The following CDYL2 variants were observed in gnomAD, a reference collection of about 807,000 sequenced individuals.
The protein encoded by CDYL2 is chromodomain Y like 2.
In CDYL2, 23 loss-of-function variants were observed where a neutral mutation model predicts 49.4. That is an observed-to-expected ratio of 0.47 (90% confidence interval 0.34 to 0.66). CDYL2 has a LOEUF of 0.66. CDYL2 is among the 30% of genes least tolerant of loss of function. The pLI, the probability that CDYL2 is intolerant of heterozygous loss-of-function variation, is 0.01. For missense variants in CDYL2, 678 were observed against 656.4 expected (o/e 1.03, Z -0.36); for synonymous variants, 360 against 268.8 (o/e 1.34, Z -3.32).
At chr16:80,689,555 G>C (rs1597176114) in intron 1 of CDYL2, among the ~76,000 whole-genome samples, 1 of 152,162 alleles carries the variant, frequency 6.6e-6, no homozygotes, top group South Asian at 2.1e-4. Flanking sequence ...GCAACAGCCT[G>C]AGTTCCTAGC....
chr16:80,712,140 T>G (rs1904629088), intron 1 of CDYL2, among the ~76,000 whole-genome samples: 1 of 146,842 alleles, frequency 6.8e-6, no homozygotes, highest in Non-Finnish European at 1.5e-5. Flanking sequence ...TGTGTGTACA[T>G]ATATGTGTAT....
At chr16:80,716,110 G>T (rs1904789840) in intron 1 of CDYL2, among the ~76,000 whole-genome samples, 1 of 152,192 alleles carries the variant, frequency 6.6e-6, no homozygotes, top group African/African-American at 2.4e-5. Context: ...AAAAATAATT[G>T]TAACAAGGCC....
intron 1 of CDYL2, among the ~76,000 whole-genome samples, chr16:80,774,046 GA>G (rs778274278): frequency 2.0e-4 from 30 of 152,066 alleles, no homozygotes; most frequent in Admixed American, 3.3e-4. Flanking sequence ...ACTTGATAAT[GA>G]AACAGGTATT....
At chr16:80,654,210 G>A (rs1490019086) in intron 2 of CDYL2, among the ~76,000 whole-genome samples, 2 of 152,164 alleles carry the variant, frequency 1.3e-5, no homozygotes, top group South Asian at 2.1e-4. Flanking sequence ...TCACTACAGA[G>A]ACTGAGACTC....
intron 1 of CDYL2, among the ~76,000 whole-genome samples, chr16:80,708,301 C>A (rs962889027): frequency 6.6e-6 from 1 of 152,140 alleles, no homozygotes; most frequent in Non-Finnish European, 1.5e-5. Flanking sequence ...TTTTCCCATA[C>A]TCTTCTTGTG....
At chr16:80,776,202 T>C (rs1297233735) in intron 1 of CDYL2, among the ~76,000 whole-genome samples, 1 of 152,070 alleles carries the variant, frequency 6.6e-6, no homozygotes, top group Non-Finnish European at 1.5e-5. Flanking sequence ...ACTTCTGCAG[T>C]TTCTCTGTCA....
At position 80,794,562 on chromosome 16, in the gene CDYL2, C is replaced by T. The variant is rs144039870; in HGVS notation, c.24+9588G>A. On this transcript the variant is annotated intron_variant, in intron 1 of 6. Transcript: ENST00000570137. The stretch of plus-strand genomic sequence containing the variant: ...AAAATATGGTATATTAAACCATATA[C>T]GATTGTTGAGTTTTTTAATTATTAC... Among the ~76,000 whole-genome samples, 1,227 of 143,430 alleles carry T rather than the reference C, an allele frequency of 8.6e-3. 23 individuals carry two copies. The highest frequency in any genetic ancestry group is 0.03 in the African/African-American group (1,156 of 38,766). 94.1% of individuals were successfully genotyped at this position (143,430 alleles called of 152,430 possible).
chr16:80,662,868 A>G, intron 2 of CDYL2: 1 of 432,986 alleles, frequency 2.3e-6, no homozygotes, highest in Non-Finnish European at 4.6e-6. Context: ...CCTCACCACC[A>G]GATGGATTCT....
intron 6 of CDYL2, 71 bp downstream of exon 6, chr16:80,608,021 G>A: frequency 4.1e-6 from 6 of 1,470,080 alleles, no homozygotes; most frequent in Non-Finnish European, 5.4e-6. Flanking sequence ...GAAGCCCTCT[G>A]AGCCTTGCTG....
chr16:80,755,795 A>G (rs928999655), intron 1 of CDYL2, among the ~76,000 whole-genome samples: 1 of 152,204 alleles, frequency 6.6e-6, no homozygotes, highest in Admixed American at 6.5e-5. Flanking sequence ...TGTTTCTCCA[A>G]TTTTATCAAA....
intron 1 of CDYL2, among the ~76,000 whole-genome samples, chr16:80,764,421 A>G (rs551727922): frequency 4.1e-4 from 62 of 152,292 alleles, no homozygotes; most frequent in African/African-American, 1.5e-3. Flanking sequence ...AATCTCCCCA[A>G]ATTAAATTTT....
At chr16:80,609,750 C>T (rs1322185657) in intron 5 of CDYL2, among the ~76,000 whole-genome samples, 1 of 152,148 alleles carries the variant, frequency 6.6e-6, no homozygotes, top group Non-Finnish European at 1.5e-5. Flanking sequence ...CCTGCAGTGC[C>T]CTCTTTGAAG....
intron 3 of CDYL2, among the ~76,000 whole-genome samples, chr16:80,631,700 C>T (rs969424127): frequency 6.6e-6 from 1 of 151,936 alleles, no homozygotes; most frequent in Non-Finnish European, 1.5e-5. Flanking sequence ...TAAAAGTCAA[C>T]CATAGAAAGA....
chr16:80,687,897 A>T (rs1910262514), intron 1 of CDYL2, among the ~76,000 whole-genome samples: 1 of 152,186 alleles, frequency 6.6e-6, no homozygotes, highest in Non-Finnish European at 1.5e-5. Context: ...GACTCCTGTG[A>T]CCACAAACCT....
chr16:80,756,208 A>T (rs984286460), intron 1 of CDYL2, among the ~76,000 whole-genome samples: 2 of 152,162 alleles, frequency 1.3e-5, no homozygotes, highest in African/African-American at 4.8e-5. Flanking sequence ...GAAATGAAGC[A>T]TTAACATAAT....
chr16:80,614,130 G>A (rs1208555677), intron 4 of CDYL2, among the ~76,000 whole-genome samples: 3 of 152,252 alleles, frequency 2.0e-5, no homozygotes, highest in Admixed American at 6.5e-5. Flanking sequence ...GTAAACAGCT[G>A]TTGAGCAAAT....
intron 2 of CDYL2, among the ~76,000 whole-genome samples, chr16:80,672,335 ACAC>A (rs1909546115): frequency 8.5e-6 from 1 of 117,450 alleles, no homozygotes; most frequent in African/African-American, 2.6e-5. Context: ...ACACACACAC[ACAC>A]ACACACACAC....
chr16:80,648,245 A>G (rs1283660841), intron 2 of CDYL2, among the ~76,000 whole-genome samples: 2 of 152,100 alleles, frequency 1.3e-5, no homozygotes, highest in African/African-American at 4.8e-5. Context: ...GCTAAACAAA[A>G]TTGACAAACA....
chr16:80,679,026 A>G (rs1208074256), intron 2 of CDYL2, among the ~76,000 whole-genome samples: 1 of 147,884 alleles, frequency 6.8e-6, no homozygotes, highest in Admixed American at 6.8e-5. Context: ...AAAACCAAAC[A>G]CTGCATATTC....
Sources: allele counts gnomAD v4.1 joint callset (sites outside exome capture counted in the v4.1 genomes callset), GRCh38; gene constraint gnomAD v4.1.1; transcripts MANE v1.5; gene names NCBI Gene and HGNC (gene_info 2026-07-23, HGNC 2026-07-21).